MRTFB: variants seen among roughly 807,000 people sequenced by gnomAD.
MRTFB encodes myocardin related transcription factor B.
A neutral mutation model predicts 104.2 loss-of-function variants in MRTFB; 29 were observed. The ratio of observed to expected loss-of-function variants is 0.28; its 90% CI spans 0.21 to 0.38. The LOEUF (loss-of-function observed/expected upper bound fraction) is 0.38. Ranked by LOEUF, MRTFB falls within the 10% of genes least tolerant of loss-of-function variation. The probability of loss-of-function intolerance (pLI) is 1.00; values close to 1 mark genes in which losing one functional copy is unlikely to be tolerated. For synonymous variants in MRTFB, 535 were observed against 519.5 expected (o/e 1.03, Z -0.41); for missense variants, 1,270 against 1,341.6 (o/e 0.95, Z 0.83).
intron 4 of MRTFB, among the ~76,000 whole-genome samples, chr16:14,211,979 A>G (rs1444964618): frequency 6.6e-6 from 1 of 152,184 alleles, no homozygotes; most frequent in East Asian, 1.9e-4. Flanking sequence ...TCAAGGTTAC[A>G]TCACTCCCAA....
chr16:14,153,947 T>G (rs577332968), intron 3 of MRTFB, among the ~76,000 whole-genome samples: 2 of 152,336 alleles, frequency 1.3e-5, no homozygotes, highest in South Asian at 4.1e-4. Flanking sequence ...TGTTTTATAT[T>G]AATAGCCCCT....
At chr16:14,075,528 CCTCCTCCAGGGT>C (rs2033984704) in intron 1 of MRTFB, among the ~76,000 whole-genome samples, 1 of 152,194 alleles carries the variant, frequency 6.6e-6, no homozygotes, top group Non-Finnish European at 1.5e-5. Context: ...TTGCTAGCCT[CCTCCTCCAGGGT>C]CTCTCTCTGA....
chr16:14,017,712 T>TATATATATATATATATA, the MRTFB span, among the ~76,000 whole-genome samples: 234 of 9,848 alleles, frequency 0.024, 8 homozygotes, highest in Middle Eastern at 0.062. Flanking sequence ...TATATATATA[T>TATATATATATATATATA]TTTTTTTTTT....
chr16:14,198,000 C>CCCGCAAT (rs1323463114), intron 3 of MRTFB, among the ~76,000 whole-genome samples: 6 of 151,962 alleles, frequency 3.9e-5, no homozygotes, highest in Admixed American at 1.3e-4. Flanking sequence ...TGCTCCCTTC[C>CCCGCAAT]CCGCAATCCC....
chr16:14,097,420 G>C (rs2035446572), intron 2 of MRTFB, among the ~76,000 whole-genome samples: 1 of 152,176 alleles, frequency 6.6e-6, no homozygotes, highest in Non-Finnish European at 1.5e-5. Context: ...TTTTGTAGTT[G>C]TGTTTATATA....
At chr16:14,189,358 T>C (rs2151046570) in intron 3 of MRTFB, among the ~76,000 whole-genome samples, 1 of 152,348 alleles carries the variant, frequency 6.6e-6, no homozygotes, top group South Asian at 2.1e-4. Flanking sequence ...GACAAGCTCC[T>C]GGTTACTTTA....
At chr16:14,241,503 A>G (rs1022532396) in intron 10 of MRTFB, 3 of 152,238 alleles carry the variant, frequency 2.0e-5, no homozygotes, top group Non-Finnish European at 4.4e-5. Flanking sequence ...CTCACTTTTC[A>G]TGAAAAAGAA....
intron 2 of MRTFB, among the ~76,000 whole-genome samples, chr16:14,082,126 A>G (rs1034537680): frequency 2.0e-5 from 3 of 152,192 alleles, no homozygotes; most frequent in African/African-American, 7.2e-5. Flanking sequence ...GACCAATGTC[A>G]TGGAACTTTT....
chr16:14,212,233 G>T, intron 4 of MRTFB, 121 bp from the exon 5 acceptor site: 1 of 927,630 alleles, frequency 1.1e-6, no homozygotes, highest in Non-Finnish European at 1.6e-6. Context: ...AATGGAACTG[G>T]TAAATTAATG....
chr16:14,035,921 C>G, the MRTFB span, among the ~76,000 whole-genome samples: 1 of 151,332 alleles, frequency 6.6e-6, no homozygotes, highest in East Asian at 1.9e-4. Context: ...CTGTGTCGTT[C>G]TTATGCCTTT....
At chr16:14,244,638 T>C (rs1224744924) in intron 10 of MRTFB, among the ~76,000 whole-genome samples, 3 of 152,236 alleles carry the variant, frequency 2.0e-5, no homozygotes, top group African/African-American at 7.2e-5. Flanking sequence ...ATTTGCAATT[T>C]CCACATACCT....
At chr16:14,033,129 A>T in the MRTFB span, among the ~76,000 whole-genome samples, 1 of 152,168 alleles carries the variant, frequency 6.6e-6, no homozygotes, top group Non-Finnish European at 1.5e-5. Context: ...TAGAACAGAC[A>T]TTAAAAAGCA....
chr16:14,127,939 T>A (rs1394898242), intron 2 of MRTFB, among the ~76,000 whole-genome samples: 13 of 87,624 alleles, frequency 1.5e-4, no homozygotes, highest in East Asian at 4.4e-4. Context: ...ATTTTTTTTT[T>A]TTTTTTTTTT....
intron 2 of MRTFB, among the ~76,000 whole-genome samples, chr16:14,124,523 CAT>C (rs1276913167): frequency 3.9e-5 from 6 of 152,142 alleles, no homozygotes; most frequent in Admixed American, 2.0e-4. Context: ...TTGAGATAAT[CAT>C]GTGGTTTTTG....
chr16:14,003,528 C>G, the MRTFB span, among the ~76,000 whole-genome samples: 1 of 152,334 alleles, frequency 6.6e-6, no homozygotes, highest in South Asian at 2.1e-4. Flanking sequence ...ACAGAGGCGT[C>G]TCCCAGCCTG....
At chr16:14,070,556 G>A (rs1364881693), upstream of MRTFB, among the ~76,000 whole-genome samples, 6 of 152,226 alleles carry the variant, frequency 3.9e-5, no homozygotes, top group African/African-American at 1.4e-4. Flanking sequence ...CACAGGGAGT[G>A]GCACAGGGGC....
the MRTFB span, among the ~76,000 whole-genome samples, chr16:14,002,507 T>C: frequency 6.6e-6 from 1 of 152,194 alleles, no homozygotes; most frequent in Non-Finnish European, 1.5e-5. Context: ...TAACTTCTAC[T>C]AGGTGATTCT....
At chr16:14,017,269 G>A in the MRTFB span, among the ~76,000 whole-genome samples, 1 of 151,606 alleles carries the variant, frequency 6.6e-6, no homozygotes, top group East Asian at 2.0e-4. Context: ...TGTTAGCCAG[G>A]ATGGTCTCGA....
intron 1 of MRTFB, among the ~76,000 whole-genome samples, chr16:14,074,929 C>T (rs1034741687): frequency 4.6e-5 from 7 of 152,106 alleles, no homozygotes; most frequent in Non-Finnish European, 8.8e-5. Flanking sequence ...TGAATTTTCA[C>T]GAAGAGCAGA....
Sources: gnomAD v4.1 joint callset for allele counts (sites outside exome capture counted in the v4.1 genomes callset) on GRCh38, gnomAD v4.1.1 for gene constraint, MANE v1.5 for transcripts, NCBI Gene and HGNC (gene_info 2026-07-23, HGNC 2026-07-21) for gene names.